ATP6V1E2: variants seen among roughly 807,000 people sequenced by gnomAD.
ATP6V1E2 encodes V-type proton ATPase subunit E 2.
For synonymous variants in ATP6V1E2, 121 were observed against 104.2 expected (o/e 1.16, Z -0.98); for missense variants, 308 against 273.3 (o/e 1.13, Z -0.90).
chr2:46,534,270 A>T (rs2103925802), intron 4 of ATP6V1E2: 1 of 152,180 alleles, frequency 6.6e-6, no homozygotes, highest in African/African-American at 2.4e-5. Flanking sequence ...GACAGTTTCT[A>T]TTGCTATGTC....
At chr2:46,519,380 GTTGT>G (rs1164449168) in intron 4 of ATP6V1E2, 3 of 152,172 alleles carry the variant, frequency 2.0e-5, no homozygotes, top group Non-Finnish European at 4.4e-5. Context: ...AAATCTGAAG[GTTGT>G]TTAATAAGAA....
At position 46,535,457 on chromosome 2, in the gene ATP6V1E2, G is replaced by A. The variant is rs11676473; in HGVS notation, c.-102+356C>T. On this transcript the variant is annotated intron_variant, in intron 4 of 4. Transcript: ENST00000522587. The surrounding 1 kb of genome is among the most constrained non-coding windows in gnomAD (Gnocchi z 4.4). ...GGTCACAGGATTTAGAAAGGCTAGA[G>A]AAGCTGCTCAAGATAGAAACAGTGT... 40,465 of 152,094 alleles carry A rather than the reference G, an allele frequency of 0.27. 6,083 individuals carry two copies. Among genetic ancestry groups the A allele is most frequent in the East Asian group, 0.7 (3,642 of 5,166 alleles). 9.4% of individuals were successfully genotyped at this position (152,094 alleles called of 1,614,324 possible).
intron 4 of ATP6V1E2, among the ~76,000 whole-genome samples, chr2:46,529,689 G>A (rs969060152): frequency 1.3e-5 from 2 of 152,206 alleles, no homozygotes; most frequent in Non-Finnish European, 2.9e-5. Flanking sequence ...CCAGGCATTT[G>A]AGGCTGCAGT....
intron 4 of ATP6V1E2, among the ~76,000 whole-genome samples, chr2:46,532,148 A>C (rs1452200438): frequency 6.6e-6 from 1 of 152,142 alleles, no homozygotes; most frequent in Non-Finnish European, 1.5e-5. Flanking sequence ...GTCTTAGCTC[A>C]TGTCTTTTGG....
rs541641533 is a variant in ATP6V1E2, at chr2:46,538,968, C to CAA, written c.-309-2267_-309-2266dup. Among the ~76,000 whole-genome samples the CAA allele has an allele frequency of 1.9e-3, 296 of 151,960 alleles. 2 individuals are homozygous for CAA. The highest frequency in any genetic ancestry group is 6.6e-3 in the African/African-American group (274 of 41,416). On this transcript the variant is annotated intron_variant, in intron 2 of 4. Transcript: ENST00000522587. ...TGGGTGACAGAGTGAGACTCTGTCT[C>CAA]AAAAACACACACAAAAAAAAATTCA...
intron 4 of ATP6V1E2, among the ~76,000 whole-genome samples, chr2:46,520,634 C>A (rs183679805): frequency 4.0e-4 from 61 of 152,232 alleles, no homozygotes; most frequent in African/African-American, 1.4e-3. Flanking sequence ...TAAGCCCCAC[C>A]ACTCCTTGAT....
chr2:46,513,317 G>C (rs1012890354), intron 4 of ATP6V1E2, among the ~76,000 whole-genome samples: 1 of 152,180 alleles, frequency 6.6e-6, no homozygotes, highest in African/African-American at 2.4e-5. Context: ...GGAGAGATGA[G>C]ACTTGCTTTG....
At chr2:46,531,326 T>C (rs1558666957) in intron 4 of ATP6V1E2, among the ~76,000 whole-genome samples, 1 of 152,230 alleles carries the variant, frequency 6.6e-6, no homozygotes, top group Non-Finnish European at 1.5e-5. Context: ...CATAACGTTT[T>C]TGAGATTCAT....
Position 46,511,950 on chromosome 2 carries a change from A to G in ATP6V1E2, c.*81T>C, listed in dbSNP as rs1392250020. On this transcript the variant is annotated 3_prime_UTR_variant, in exon 5 of 5. Transcript: ENST00000522587. ...CAGTATCAGAGCATCAAAGAGGAGG[A>G]AACACTACTAGTTTCCTTTCCCCAA... 7.9e-7 allele frequency: 1 copy of G among 1,262,372 alleles called. No homozygotes were observed. The highest frequency in any genetic ancestry group is 1.5e-5 in the African/African-American group (1 of 66,586). The allele number at this position is 1,262,372 out of a possible 1,614,324, so 78.2% of individuals were successfully genotyped here. A position where few individuals can be genotyped will look rare whatever the true frequency, so the allele number is the denominator to read the frequency against.
At chr2:46,517,094 G>A (rs1687747022) in intron 4 of ATP6V1E2, among the ~76,000 whole-genome samples, 1 of 152,118 alleles carries the variant, frequency 6.6e-6, no homozygotes. Context: ...ATACTACGAA[G>A]TTAAAGTAAT....
chr2:46,525,447 A>G (rs576660699), intron 4 of ATP6V1E2, among the ~76,000 whole-genome samples: 27 of 140,694 alleles, frequency 1.9e-4, no homozygotes, highest in African/African-American at 7.1e-4. Context: ...GGGCGACAGA[A>G]CGAGACTCCG....
chr2:46,540,192 A>C (rs930439731), intron 2 of ATP6V1E2, among the ~76,000 whole-genome samples: 4 of 152,172 alleles, frequency 2.6e-5, no homozygotes, highest in Non-Finnish European at 5.9e-5. Flanking sequence ...AGGCTGAGGC[A>C]GGCGGATCAC....
intron 2 of ATP6V1E2, among the ~76,000 whole-genome samples, chr2:46,540,612 A>C (rs1290523079): frequency 3.3e-5 from 2 of 60,580 alleles, no homozygotes; most frequent in East Asian, 8.1e-4. Flanking sequence ...TTTTTCTGTA[A>C]CTTTTTTTTT....
At chr2:46,513,051 A>C (rs1389532796) in intron 4 of ATP6V1E2, among the ~76,000 whole-genome samples, 3 of 152,212 alleles carry the variant, frequency 2.0e-5, no homozygotes, top group Non-Finnish European at 4.4e-5. Flanking sequence ...GGGCAGACCT[A>C]GTCCAGAAGT....
At chr2:46,531,879 A>T (rs538336969) in intron 4 of ATP6V1E2, among the ~76,000 whole-genome samples, 6 of 152,296 alleles carry the variant, frequency 3.9e-5, no homozygotes, top group Non-Finnish European at 8.8e-5. Context: ...AAAAAAATAA[A>T]CTATTTGTCA....
intron 4 of ATP6V1E2, among the ~76,000 whole-genome samples, chr2:46,526,479 T>C (rs1426898422): frequency 6.6e-6 from 1 of 152,150 alleles, no homozygotes; most frequent in Non-Finnish European, 1.5e-5. Context: ...ATCACCACCA[T>C]CTCCAGAACT....
At chr2:46,524,453 G>A (rs1666792395) in intron 4 of ATP6V1E2, among the ~76,000 whole-genome samples, 1 of 152,204 alleles carries the variant, frequency 6.6e-6, no homozygotes, top group Admixed American at 6.5e-5. Context: ...TTATTAAGCA[G>A]AATTTATCCA....
At position 46,535,075 on chromosome 2, in the gene ATP6V1E2, T is replaced by A. The variant is rs1417641599; in HGVS notation, c.-102+738A>T. On this transcript the variant is annotated intron_variant, in intron 4 of 4. Transcript: ENST00000522587. This position sits in a 1 kb window ranked among gnomAD's most constrained non-coding sequence, Gnocchi z 4.4. ...GCAAGACCACTATGCTCTGCTTGGG[T>A]TCCCCCTCATTGTGCTGCAATTTAG... The A allele has an allele frequency of 6.6e-6, 1 of 152,226 alleles. No individual in the cohort carries two copies. The highest frequency in any genetic ancestry group is 1.9e-4 in the East Asian group (1 of 5,204). 9.4% of individuals were successfully genotyped at this position (152,226 alleles called of 1,614,324 possible).
At chr2:46,525,864 G>A (rs1666893913) in intron 4 of ATP6V1E2, among the ~76,000 whole-genome samples, 2 of 151,172 alleles carry the variant, frequency 1.3e-5, no homozygotes, top group South Asian at 2.1e-4. Flanking sequence ...TTGCTTCAAA[G>A]CTGCATATCT....
Sources: gnomAD v4.1 joint callset for allele counts (sites outside exome capture counted in the v4.1 genomes callset) on GRCh38, gnomAD v4.1.1 for gene constraint, Gnocchi (gnomAD v3.1) non-coding constraint, MANE v1.5 for transcripts, NCBI Gene and HGNC (gene_info 2026-07-23, HGNC 2026-07-21) for gene names.